ANK2: variants seen among roughly 807,000 people sequenced by gnomAD.
ANK2 encodes ankyrin-2.
In ANK2, 83 loss-of-function variants were observed where a neutral mutation model predicts 360.5. The observed-to-expected ratio is 0.23, with a 90% CI of 0.19 to 0.28. The LOEUF (loss-of-function observed/expected upper bound fraction) is 0.28. ANK2 is among the 10% of genes least tolerant of loss of function. The probability of loss-of-function intolerance (pLI) is 1.00; values close to 1 mark genes in which losing one functional copy is unlikely to be tolerated. For synonymous variants in ANK2, 1,740 were observed against 1,759.5 expected (o/e 0.99, Z 0.28); for missense variants, 4,201 against 4,795.7 (o/e 0.88, Z 3.66).
rs1582033109 is a variant in ANK2 at position 112,962,234 on chromosome 4, C to T, written c.21+57720C>T. Among the ~76,000 whole-genome samples, 3 of 152,156 alleles carry T rather than the reference C, an allele frequency of 2.0e-5. 1 individual carries two copies. In the Middle Eastern group the frequency reaches 0.01, roughly 518 times the overall value. On this transcript the variant is annotated intron_variant, in intron 2 of 30. Transcript: ENST00000503271. ...TAGTAGTCTGCAGTGTCTATTGTTC[C>T]CGTGTCTATGTCCATGAGTAGTCAA...
intron 2 of ANK2, among the ~76,000 whole-genome samples, chr4:113,037,445 C>G (rs938126456): frequency 6.6e-6 from 1 of 151,812 alleles, no homozygotes; most frequent in African/African-American, 2.4e-5. Flanking sequence ...TTGTTATACT[C>G]TAAATGTTTT....
At chr4:112,884,002 T>A (rs1310630457) in intron 1 of ANK2, among the ~76,000 whole-genome samples, 1 of 140,226 alleles carries the variant, frequency 7.1e-6, no homozygotes, top group South Asian at 2.1e-4. Context: ...ATTTAAACAA[T>A]TAATAAGGCT....
chr4:112,719,277 A>T, the ANK2 span, among the ~76,000 whole-genome samples: 1 of 152,302 alleles, frequency 6.6e-6, no homozygotes, highest in Admixed American at 6.5e-5. Context: ...TAAACAGTGC[A>T]TGTAATACCA....
rs1390198424 is a variant in ANK2 at position 112,991,647 on chromosome 4, A to G, written c.21+87133A>G. 2.6e-5 allele frequency among the ~76,000 whole-genome samples: 3 copies of G among 114,954 alleles called. No homozygotes were observed. The East Asian group carries it at 7.3e-4, about 28-fold the overall frequency. The allele number at this position is 114,954 out of a possible 152,430, so 75.4% of individuals were successfully genotyped here. A position where few individuals can be genotyped will look rare whatever the true frequency, so the allele number is the denominator to read the frequency against. ...TTTTTTTTTTTTTTGCAATATGGATAGGCTGAGAATTTTCCAAATCTTCAA... is the reference window on the plus strand; with the variant it reads ...TTTTTTTTTTTTTTGCAATATGGATGGGCTGAGAATTTTCCAAATCTTCAA... On this transcript the variant is annotated intron_variant, in intron 2 of 30. Coordinates refer to the ANK2 transcript ENST00000503271.
Position 112,827,162 on chromosome 4 carries a change from A to G in ANK2, c.-40+8898A>G, listed in dbSNP as rs193052509. ...ATGACTACTTACAAGGCAAGTGAAA[A>G]TTACATCCTGTGTAGTGATACCAGG... On this transcript the variant is annotated intron_variant, in intron 1 of 30. Transcript: ENST00000503271. The G allele has an allele frequency of 2.7e-3, 3,166 of 1,165,592 alleles. 13 individuals carry two copies. Among genetic ancestry groups the G allele is most frequent in the Non-Finnish European group, 3.2e-3 (2,481 of 770,878 alleles). 72.2% of individuals were successfully genotyped at this position (1,165,592 alleles called of 1,614,324 possible). A position where few individuals can be genotyped will look rare whatever the true frequency, so the allele number is the denominator to read the frequency against.
intron 45 of ANK2, among the ~76,000 whole-genome samples, chr4:113,374,601 A>C (rs931147981): frequency 2.0e-5 from 3 of 152,224 alleles, no homozygotes; most frequent in African/African-American, 7.2e-5. Context: ...TATTACCAAT[A>C]GGTTATAGTT....
chr4:112,731,314 G>GATAA, the ANK2 span, among the ~76,000 whole-genome samples: 16 of 139,796 alleles, frequency 1.1e-4, no homozygotes, highest in African/African-American at 4.2e-4. Context: ...AAAAAAAAAA[G>GATAA]ATAAATATGT....
chr4:112,791,552 G>A, the ANK2 span, among the ~76,000 whole-genome samples: 1 of 139,260 alleles, frequency 7.2e-6, no homozygotes, highest in African/African-American at 2.7e-5. Flanking sequence ...GCTGTGGCGC[G>A]ATCTTAGCTC....
At chr4:113,246,615 T>G (rs1273675854) in intron 9 of ANK2, among the ~76,000 whole-genome samples, 1 of 152,088 alleles carries the variant, frequency 6.6e-6, no homozygotes, top group East Asian at 1.9e-4. Flanking sequence ...TTTAAAATAT[T>G]AAAAAACATA....
intron 2 of ANK2, among the ~76,000 whole-genome samples, chr4:112,957,670 G>C (rs1290108078): frequency 2.0e-5 from 3 of 150,200 alleles, no homozygotes; most frequent in Non-Finnish European, 3.0e-5. Context: ...CCTCCCGGAC[G>C]GGGCGGCTGG....
chr4:113,323,851 G>GCC lies in ANK2; in HGVS notation c.2900+5232_2900+5233dup, dbSNP rs1045804138. ...TGTTGCCTATTCCTCTCCCCCTTTCGCCATCTCCTTCTGCATATTCCTTGC... is the reference window on the plus strand; with the variant it reads ...TGTTGCCTATTCCTCTCCCCCTTTCGCCCCATCTCCTTCTGCATATTCCTTGC... On this transcript the variant is annotated intron_variant, in intron 26 of 45. Coordinates refer to ENST00000357077, the MANE Select transcript of ANK2 (RefSeq NM_001148.6). 105 of 1,523,600 alleles carry GCC rather than the reference G, an allele frequency of 6.9e-5. No individual in the cohort carries two copies. The African/African-American group carries it at 1.2e-3, about 18-fold the overall frequency. 94.4% of individuals were successfully genotyped at this position (1,523,600 alleles called of 1,614,324 possible).
At chr4:113,283,348 G>A (rs1343067663) in intron 18 of ANK2, among the ~76,000 whole-genome samples, 1 of 152,104 alleles carries the variant, frequency 6.6e-6, no homozygotes, top group Non-Finnish European at 1.5e-5. Flanking sequence ...AGTCCTGCTG[G>A]GCATCTGAGG....
chr4:113,290,608 T>G (rs2067065914), intron 20 of ANK2, among the ~76,000 whole-genome samples: 1 of 152,170 alleles, frequency 6.6e-6, no homozygotes, highest in Admixed American at 6.5e-5. Context: ...AAAGACACTG[T>G]GAAGATTATA....
the ANK2 span, among the ~76,000 whole-genome samples, chr4:112,729,026 G>A: frequency 6.6e-6 from 1 of 152,118 alleles, no homozygotes; most frequent in Non-Finnish European, 1.5e-5. Context: ...GGGCAATATA[G>A]TGGGACCCCA....
At chr4:112,822,331 T>A (rs1454169789) in intron 1 of ANK2, among the ~76,000 whole-genome samples, 3 of 143,792 alleles carry the variant, frequency 2.1e-5, no homozygotes, top group Non-Finnish European at 4.5e-5. Context: ...GGCAGGAGAA[T>A]CTCTTGAACC....
At chr4:112,743,203 G>T in the ANK2 span, among the ~76,000 whole-genome samples, 2 of 152,284 alleles carry the variant, frequency 1.3e-5, no homozygotes, top group South Asian at 4.1e-4. Flanking sequence ...ACAGAAACAT[G>T]AAAGTGCGGG....
intron 2 of ANK2, among the ~76,000 whole-genome samples, chr4:112,964,531 G>A (rs1270662825): frequency 6.6e-6 from 1 of 150,988 alleles, no homozygotes; most frequent in East Asian, 1.9e-4. Context: ...TGGCTGCGTA[G>A]TACTCCTTTT....
chr4:113,046,599 A>G (rs1466237193), upstream of ANK2, among the ~76,000 whole-genome samples: 1 of 152,096 alleles, frequency 6.6e-6, no homozygotes, highest in Non-Finnish European at 1.5e-5. Context: ...CCATCTGGGA[A>G]GAAGAGACCT....
chr4:113,195,474 T>C (rs1477510025), intron 2 of ANK2, among the ~76,000 whole-genome samples: 1 of 152,188 alleles, frequency 6.6e-6, no homozygotes, highest in Non-Finnish European at 1.5e-5. Context: ...TCTGAGATTA[T>C]TTATGAAATA....
Sources: gnomAD v4.1 joint callset for allele counts (sites outside exome capture counted in the v4.1 genomes callset) on GRCh38, gnomAD v4.1.1 for gene constraint, MANE v1.5 for transcripts, NCBI Gene and HGNC (gene_info 2026-07-23, HGNC 2026-07-21) for gene names.